The following ILRUN variants were observed in gnomAD, a reference collection of about 807,000 sequenced individuals.
ILRUN encodes inflammation and lipid regulator with UBA-like and NBR1-like domains, also known as protein ILRUN.
Under a neutral mutation model 33.8 loss-of-function variants are expected in ILRUN, and 3 were observed. The observed-to-expected ratio is 0.09, with a 90% confidence interval of 0.04 to 0.23. The LOEUF is 0.23. Among genes scored for constraint, ILRUN ranks in the 10% least tolerant of loss-of-function variants. The pLI, the probability that ILRUN is intolerant of heterozygous loss-of-function variation, is 1.00. For missense variants in ILRUN, 210 were observed against 375.1 expected, an observed-to-expected ratio of 0.56 and a Z score of 3.64; for synonymous variants, 124 against 138.9, an observed-to-expected ratio of 0.89 and a Z score of 0.75.
At chr6:34,625,804 GTTA>G (rs928145365) in intron 3 of ILRUN, among the ~76,000 whole-genome samples, 3 of 148,184 alleles carry the variant, frequency 2.0e-5, no homozygotes, top group African/African-American at 7.4e-5. Context: ...TACCTCAAAG[GTTA>G]TTATTTCTTA....
intron 3 of ILRUN, among the ~76,000 whole-genome samples, chr6:34,627,627 A>G (rs375455254): frequency 2.0e-5 from 3 of 151,810 alleles, no homozygotes; most frequent in Admixed American, 6.6e-5. Flanking sequence ...ATAACGGTGA[A>G]TATCTTCTCG....
chr6:34,637,201 A>AAGT (rs1762381456), intron 3 of ILRUN, among the ~76,000 whole-genome samples: 1 of 152,224 alleles, frequency 6.6e-6, no homozygotes, highest in Non-Finnish European at 1.5e-5. Flanking sequence ...TAAGTAAAAC[A>AAGT]CTTTAACTAT....
intron 1 of ILRUN, among the ~76,000 whole-genome samples, chr6:34,681,202 CAAT>C (rs1763352141): frequency 6.6e-6 from 1 of 152,206 alleles, no homozygotes; most frequent in South Asian, 2.1e-4. Flanking sequence ...ACCTCAAGCA[CAAT>C]AATTCAAGTG....
intron 1 of ILRUN, among the ~76,000 whole-genome samples, chr6:34,676,495 AAGAT>A (rs1342964179): frequency 1.4e-5 from 2 of 138,060 alleles, no homozygotes; most frequent in Non-Finnish European, 1.6e-5. Flanking sequence ...TAGATATGCA[AAGAT>A]AGAGAGAGAG....
Position 34,696,665 on chromosome 6 carries a change from G to A in ILRUN, c.-62C>T. 1 of 1,556,888 alleles carries A rather than the reference G, an allele frequency of 6.4e-7. No individual in the cohort carries two copies. On this transcript the variant is annotated 5_prime_UTR_variant, in exon 1 of 5. Coordinates refer to ENST00000374023, the MANE Select transcript of ILRUN (RefSeq NM_024294.4). Reference sequence around the variant, plus strand: ...AACCAAGCCGCCGCCGCGCCGCCGGGCCCGGGGACCTGGAGGGGGGCCGCT... The same window carrying A: ...AACCAAGCCGCCGCCGCGCCGCCGGACCCGGGGACCTGGAGGGGGGCCGCT...
intron 4 of ILRUN, among the ~76,000 whole-genome samples, chr6:34,598,386 C>T (rs1761444762): frequency 6.6e-6 from 1 of 152,194 alleles, no homozygotes; most frequent in Non-Finnish European, 1.5e-5. Flanking sequence ...GAGAACAAGT[C>T]ATTTGAAACC....
chr6:34,629,864 A>G (rs1444606989), intron 3 of ILRUN, among the ~76,000 whole-genome samples: 1 of 152,194 alleles, frequency 6.6e-6, no homozygotes, highest in African/African-American at 2.4e-5. Context: ...ATGGAAAATA[A>G]GTTCCGAGAC....
rs560013619 is a variant in ILRUN, at chr6:34,622,539, A to G, written c.512-15635T>C. ...CCTCACACTTATGATGGCTACTACTAAAAAAAAAAAAATCCTTAGTTGCCC... is the reference window on the plus strand; with the variant it reads ...CCTCACACTTATGATGGCTACTACTGAAAAAAAAAAAATCCTTAGTTGCCC... On this transcript the variant is annotated intron_variant, in intron 3 of 4. Coordinates refer to ENST00000374023, the MANE Select transcript of ILRUN (RefSeq NM_024294.4). 6.8e-5 allele frequency among the ~76,000 whole-genome samples: 9 copies of G among 132,324 alleles called. No individual in the cohort carries two copies. The East Asian group carries it at 1.2e-3, about 18-fold the overall frequency. 86.8% of individuals were successfully genotyped at this position (132,324 alleles called of 152,430 possible).
At position 34,592,122 on chromosome 6, in the gene ILRUN, G is replaced by T. The variant is rs540320968; in HGVS notation, c.862-1522C>A. On this transcript the variant is annotated intron_variant, in intron 4 of 4. Coordinates refer to ENST00000374023, the MANE Select transcript of ILRUN (RefSeq NM_024294.4). The surrounding 1 kb of genome is among the most constrained non-coding windows in gnomAD (Gnocchi z 4.0). ...CATATAAAGCCTCCCAAAACCAGAA[G>T]GACATCTCTAGCTGCTTGGTCGTAT... Among the ~76,000 whole-genome samples the T allele has an allele frequency of 1.3e-5, 2 of 152,252 alleles. No individual in the cohort carries two copies. Among genetic ancestry groups the T allele is most frequent in the South Asian group, 4.1e-4 (2 of 4,826 alleles).
intron 2 of ILRUN, among the ~76,000 whole-genome samples, chr6:34,652,809 A>G (rs868667696): frequency 6.6e-6 from 1 of 152,174 alleles, no homozygotes; most frequent in Admixed American, 6.5e-5. Flanking sequence ...ATAAATTGTC[A>G]TTAGATGTGA....
intron 3 of ILRUN, among the ~76,000 whole-genome samples, chr6:34,628,578 C>G (rs908555442): frequency 3.0e-4 from 46 of 152,000 alleles, no homozygotes; most frequent in African/African-American, 1.1e-3. Context: ...ATGATCCGCC[C>G]GCCTCGGCCT....
chr6:34,641,556 C>T (rs75690634), intron 3 of ILRUN, among the ~76,000 whole-genome samples: 41 of 152,256 alleles, frequency 2.7e-4, no homozygotes, highest in African/African-American at 9.9e-4. Context: ...CAGAATTCAA[C>T]GAAACATTTC....
chr6:34,635,067 G>C (rs1302565358), intron 3 of ILRUN, among the ~76,000 whole-genome samples: 1 of 115,374 alleles, frequency 8.7e-6, no homozygotes, highest in African/African-American at 5.0e-5. Context: ...CCTCAAATAA[G>C]GCTGTCAGAA....
chr6:34,654,339 T>C (rs549031816), intron 2 of ILRUN, among the ~76,000 whole-genome samples: 2 of 152,332 alleles, frequency 1.3e-5, no homozygotes, highest in African/African-American at 2.4e-5. Flanking sequence ...CCCCATCATA[T>C]AGAAGTCTAG....
intron 3 of ILRUN, among the ~76,000 whole-genome samples, chr6:34,609,874 T>C (rs1662709076): frequency 6.6e-6 from 1 of 151,726 alleles, no homozygotes; most frequent in Non-Finnish European, 1.5e-5. Flanking sequence ...TCAAAGAAAA[T>C]ATGGCCGGGT....
intron 3 of ILRUN, among the ~76,000 whole-genome samples, chr6:34,634,731 A>T (rs78514264): frequency 0.062 from 9,434 of 152,324 alleles, 502 homozygotes; most frequent in East Asian, 0.32. Flanking sequence ...CACATCACTC[A>T]AGATGAAATA....
Position 34,696,517 on chromosome 6 carries a change from G to A in ILRUN, c.87C>T (p.Ser29=). The change falls in exon 1 of 5, where the codon TCC becomes TCT. Residue 29 remains serine, a synonymous_variant. Coordinates refer to ENST00000374023, the MANE Select transcript of ILRUN (RefSeq NM_024294.4). ...GGAAGCCGAGCAGCCTCTGGAACTC[G>A]GAGATGAGCACGTCCTTGTCGGTGG... is the stretch of plus-strand genomic sequence containing the variant. The part of the protein sequence containing the change: ...LGTTDKDVLI[S]EFQRLLGFQL... 1 of 1,613,232 alleles carries A rather than the reference G, an allele frequency of 6.2e-7. No homozygotes were observed. Among genetic ancestry groups the A allele is most frequent in the Non-Finnish European group, 8.5e-7 (1 of 1,179,756 alleles).
intron 3 of ILRUN, among the ~76,000 whole-genome samples, chr6:34,635,700 TGCCTCCTG>T (rs1277564517): frequency 6.6e-6 from 1 of 150,416 alleles, no homozygotes; most frequent in African/African-American, 2.5e-5. Context: ...CTGCAACCTC[TGCCTCCTG>T]GCCTCCTGGG....
chr6:34,667,224 A>G (rs1471405081), intron 1 of ILRUN, among the ~76,000 whole-genome samples: 1 of 152,244 alleles, frequency 6.6e-6, no homozygotes, highest in Non-Finnish European at 1.5e-5. Context: ...ATGTAGTTCA[A>G]GCTTTACAAA....
Sources: allele counts gnomAD v4.1 joint callset (sites outside exome capture counted in the v4.1 genomes callset), GRCh38; gene constraint gnomAD v4.1.1; non-coding constraint Gnocchi (gnomAD v3.1); transcripts MANE v1.5; gene names NCBI Gene and HGNC (gene_info 2026-07-23, HGNC 2026-07-21).